Variants in DOCK2 observed in about 807,000 individuals in gnomAD.
The protein encoded by DOCK2 is dedicator of cytokinesis protein 2.
DOCK2 carries 87 observed loss-of-function variants against 248.9 expected under a neutral mutation model. The observed-to-expected ratio is 0.35, with a 90% CI of 0.29 to 0.42. The LOEUF (loss-of-function observed/expected upper bound fraction) is 0.42, where lower values mean the gene tolerates loss of function less well. Ranked by LOEUF, DOCK2 falls within the 10% of genes least tolerant of loss-of-function variation. The probability of loss-of-function intolerance (pLI) is 1.00; values close to 1 mark genes in which losing one functional copy is unlikely to be tolerated. For missense variants in DOCK2, 1,747 were observed against 2,300.2 expected (o/e 0.76, Z 4.92); for synonymous variants, 805 against 821.6 (o/e 0.98, Z 0.35).
intron 22 of DOCK2, among the ~76,000 whole-genome samples, chr5:169,719,091 C>T (rs1410646604): frequency 1.3e-5 from 2 of 152,190 alleles, no homozygotes; most frequent in African/African-American, 4.8e-5. Context: ...TGAACATTTT[C>T]CAGCAATCTA....
At chr5:169,717,293 G>A (rs977621306) in intron 20 of DOCK2, 91 bp from the exon 21 acceptor site, 2 of 1,056,998 alleles carry the variant, frequency 1.9e-6, no homozygotes, top group African/African-American at 1.6e-5. Context: ...CCTGGGCAAA[G>A]GATTTTAATG....
At chr5:169,975,077 A>G (rs577797191) in intron 27 of DOCK2, among the ~76,000 whole-genome samples, 1 of 152,296 alleles carries the variant, frequency 6.6e-6, no homozygotes, top group Non-Finnish European at 1.5e-5. Context: ...GATAAGTGGA[A>G]TCAATGTAAA....
intron 27 of DOCK2, among the ~76,000 whole-genome samples, chr5:169,973,073 ACTC>A (rs985664352): frequency 7.9e-5 from 12 of 151,932 alleles, no homozygotes. Flanking sequence ...ACTCCTCTTC[ACTC>A]CTCAAGAAGG....
intron 27 of DOCK2, among the ~76,000 whole-genome samples, chr5:169,902,700 T>A (rs1773996994): frequency 6.6e-6 from 1 of 152,174 alleles, no homozygotes; most frequent in African/African-American, 2.4e-5. Context: ...TTTCCTCAAA[T>A]CCTTCTGAGC....
At chr5:169,682,682 T>A (rs1403831510) in intron 7 of DOCK2, among the ~76,000 whole-genome samples, 1 of 152,224 alleles carries the variant, frequency 6.6e-6, no homozygotes, top group Admixed American at 6.5e-5. Flanking sequence ...AATTTTCATA[T>A]AGTACATTTC....
At chr5:169,872,057 C>G (rs1488790339) in intron 27 of DOCK2, among the ~76,000 whole-genome samples, 2 of 152,208 alleles carry the variant, frequency 1.3e-5, no homozygotes, top group Non-Finnish European at 2.9e-5. Flanking sequence ...CTGCCATCAA[C>G]TACACTCTAA....
chr5:169,975,692 C>T (rs553864752), intron 27 of DOCK2, among the ~76,000 whole-genome samples: 7 of 152,308 alleles, frequency 4.6e-5, no homozygotes, highest in African/African-American at 1.7e-4. Context: ...ACTCCATCTC[C>T]ATGCTATTGC....
intron 46 of DOCK2, among the ~76,000 whole-genome samples, chr5:170,072,585 T>C (rs1581575611): frequency 6.6e-6 from 1 of 152,188 alleles, no homozygotes; most frequent in African/African-American, 2.4e-5. Flanking sequence ...CATTTAACCT[T>C]ACTGGACACA....
chr5:169,751,665 C>A (rs1763901507), intron 23 of DOCK2, among the ~76,000 whole-genome samples: 1 of 152,202 alleles, frequency 6.6e-6, no homozygotes, highest in South Asian at 2.1e-4. Context: ...GCTCACCCAG[C>A]TTTTGTGAGT....
chr5:169,717,947 A>T (rs1000496458), intron 21 of DOCK2, among the ~76,000 whole-genome samples: 56 of 152,352 alleles, frequency 3.7e-4, no homozygotes, highest in African/African-American at 1.3e-3. Flanking sequence ...CTGTAATCCC[A>T]GCTACTCGGG....
chr5:170,066,321 A>G (rs1266411725), intron 44 of DOCK2, among the ~76,000 whole-genome samples: 1 of 152,234 alleles, frequency 6.6e-6, no homozygotes, highest in Non-Finnish European at 1.5e-5. Context: ...AGGTCATTAT[A>G]TAGTGACAAA....
chr5:170,032,442 T>C (rs10085067), intron 34 of DOCK2, among the ~76,000 whole-genome samples: 4,069 of 152,282 alleles, frequency 0.027, 167 homozygotes, highest in African/African-American at 0.092. Flanking sequence ...AAGTTGAGCA[T>C]TGGGCTTTGT....
chr5:169,999,778 CG>C (rs1232198362), intron 30 of DOCK2, among the ~76,000 whole-genome samples: 1 of 152,158 alleles, frequency 6.6e-6, no homozygotes, highest in Non-Finnish European at 1.5e-5. Context: ...CTCCTTCTTA[CG>C]GGCTCATTAA....
At chr5:169,935,777 C>A (rs938040673) in intron 27 of DOCK2, among the ~76,000 whole-genome samples, 1 of 152,138 alleles carries the variant, frequency 6.6e-6, no homozygotes, top group South Asian at 2.1e-4. Context: ...GGAGAAAAAA[C>A]GCGTTGTGTA....
At position 169,648,282 on chromosome 5, in the gene DOCK2, C is replaced by G. The variant is rs982590176; in HGVS notation, c.44-6121C>G. Among the ~76,000 whole-genome samples the G allele has an allele frequency of 7.9e-5, 12 of 152,146 alleles. No homozygotes were observed. In the East Asian group the frequency reaches 2.3e-3, roughly 29 times the overall value. Reference sequence around the variant, plus strand: ...ACTAGAGGCTAGTAGCACTGACACCCCCGACTCCCCTCCCCCAGGTTGGGA... The same window carrying G: ...ACTAGAGGCTAGTAGCACTGACACCGCCGACTCCCCTCCCCCAGGTTGGGA... On this transcript the variant is annotated intron_variant, in intron 1 of 51. Coordinates refer to ENST00000520908, the MANE Select transcript of DOCK2 (RefSeq NM_004946.3).
rs905322607 is a variant in DOCK2 at position 169,763,418 on chromosome 5, G to C, written c.2554+1793G>C. Among the ~76,000 whole-genome samples the C allele has an allele frequency of 6.6e-6, 1 of 152,242 alleles. No individual in the cohort carries two copies. The highest frequency in any genetic ancestry group is 1.5e-5 in the Non-Finnish European group (1 of 68,046). ...TGGTGTGGCACAGGCAGCAGGGAGTGGGCTGCTTGGCTCTTCTTCATTGTT... is the reference window on the plus strand; with the variant it reads ...TGGTGTGGCACAGGCAGCAGGGAGTCGGCTGCTTGGCTCTTCTTCATTGTT... On this transcript the variant is annotated intron_variant, in intron 25 of 51. Coordinates refer to ENST00000520908, the MANE Select transcript of DOCK2 (RefSeq NM_004946.3). The surrounding 1 kb of genome is among the most constrained non-coding windows in gnomAD (Gnocchi z 4.1).
chr5:169,921,074 G>C (rs1775148353), intron 27 of DOCK2, among the ~76,000 whole-genome samples: 1 of 152,148 alleles, frequency 6.6e-6, no homozygotes, highest in Non-Finnish European at 1.5e-5. Context: ...TTCTTTTAAA[G>C]AGTCTCAATC....
chr5:169,903,916 A>G (rs956213961), intron 27 of DOCK2, among the ~76,000 whole-genome samples: 3 of 152,144 alleles, frequency 2.0e-5, no homozygotes, highest in East Asian at 1.9e-4. Context: ...CCTGGCCAAC[A>G]TGGCGAAGCT....
intron 27 of DOCK2, among the ~76,000 whole-genome samples, chr5:169,880,579 G>A (rs1419786860): frequency 6.6e-6 from 1 of 152,192 alleles, no homozygotes; most frequent in Non-Finnish European, 1.5e-5. Context: ...AGCTAAGGGG[G>A]CATTGATCTT....
Sources: gnomAD v4.1 joint callset for allele counts (sites outside exome capture counted in the v4.1 genomes callset) on GRCh38, gnomAD v4.1.1 for gene constraint, Gnocchi (gnomAD v3.1) non-coding constraint, MANE v1.5 for transcripts, NCBI Gene and HGNC (gene_info 2026-07-23, HGNC 2026-07-21) for gene names.